The following TOMM70 variants were observed in gnomAD, a reference collection of about 807,000 sequenced individuals.
The protein encoded by TOMM70 is translocase of outer mitochondrial membrane 70.
TOMM70 carries 13 observed loss-of-function variants against 73.6 expected under a neutral mutation model. The ratio of observed to expected loss-of-function variants is 0.18; its 90% CI spans 0.11 to 0.28. TOMM70 has a LOEUF of 0.28. Ranked by LOEUF, TOMM70 falls within the 10% of genes least tolerant of loss-of-function variation. TOMM70 has a pLI of 1.00. For synonymous variants in TOMM70, 257 were observed against 271.2 expected (o/e 0.95, Z 0.51); for missense variants, 609 against 747.5 (o/e 0.81, Z 2.16).
intron 6 of TOMM70, among the ~76,000 whole-genome samples, chr3:100,376,198 T>G: frequency 6.6e-6 from 1 of 152,102 alleles, no homozygotes; most frequent in East Asian, 1.9e-4. Context: ...TTTGGAGAAA[T>G]GTGTATTCAG....
intron 1 of TOMM70, among the ~76,000 whole-genome samples, chr3:100,394,979 C>T (rs1207375906): frequency 6.6e-6 from 1 of 152,080 alleles, no homozygotes; most frequent in Non-Finnish European, 1.5e-5. Context: ...AACTCTTTAC[C>T]TAGGAAGAAT....
chr3:100,369,983 T>C (rs1292327821), intron 9 of TOMM70, among the ~76,000 whole-genome samples: 2 of 152,234 alleles, frequency 1.3e-5, no homozygotes, highest in African/African-American at 4.8e-5. Context: ...CATATTCAGT[T>C]AACCCCGGTT....
chr3:100,368,267 G>T, intron 10 of TOMM70, 101 bp from the exon 11 acceptor site: 1 of 1,384,028 alleles, frequency 7.2e-7, no homozygotes, highest in Non-Finnish European at 9.7e-7. Flanking sequence ...GAACTTATAA[G>T]TTAACTTATA....
At chr3:100,365,840 G>C in intron 11 of TOMM70, 123 bp from the exon 12 acceptor site, 1 of 1,097,312 alleles carries the variant, frequency 9.1e-7, no homozygotes, top group East Asian at 2.5e-5. Context: ...AATGAAGGTT[G>C]TAAGTGATGC....
chr3:100,386,714 ATG>A, intron 2 of TOMM70, 89 bp downstream of exon 2: 1 of 1,435,084 alleles, frequency 7.0e-7, no homozygotes, highest in Non-Finnish European at 9.5e-7. Flanking sequence ...ACTTCAAAAA[ATG>A]TATTAGGTTT....
intron 3 of TOMM70, among the ~76,000 whole-genome samples, chr3:100,385,904 C>G (rs1414727081): frequency 2.0e-5 from 3 of 152,150 alleles, no homozygotes; most frequent in Non-Finnish European, 4.4e-5. Flanking sequence ...CTTAGAAACA[C>G]TATCACTTGC....
At chr3:100,384,912 G>T (rs1019615670) in intron 3 of TOMM70, among the ~76,000 whole-genome samples, 1 of 152,128 alleles carries the variant, frequency 6.6e-6, no homozygotes, top group African/African-American at 2.4e-5. Context: ...AACATAGTGT[G>T]GCTCTCTCAT....
intron 5 of TOMM70, among the ~76,000 whole-genome samples, chr3:100,379,344 C>G (rs918121842): frequency 6.6e-6 from 1 of 152,144 alleles, no homozygotes; most frequent in African/African-American, 2.4e-5. Context: ...TTACGTCAGG[C>G]CAGACATGGT....
chr3:100,379,820 T>C (rs1215956383), intron 5 of TOMM70, among the ~76,000 whole-genome samples: 4 of 152,088 alleles, frequency 2.6e-5, no homozygotes, highest in Non-Finnish European at 5.9e-5. Flanking sequence ...GGTTTCTCCA[T>C]GTTGCCCAGG....
At chr3:100,399,729 C>G (rs1443991357) in intron 1 of TOMM70, among the ~76,000 whole-genome samples, 1 of 146,266 alleles carries the variant, frequency 6.8e-6, no homozygotes, top group Admixed American at 7.0e-5. Context: ...TAAGAAGTCA[C>G]TCCCATTTTT....
chr3:100,366,897 T>C (rs1269444246), intron 11 of TOMM70, among the ~76,000 whole-genome samples: 2 of 152,220 alleles, frequency 1.3e-5, no homozygotes, highest in Non-Finnish European at 2.9e-5. Flanking sequence ...TACAAGAATA[T>C]TTTATTCACA....
At chr3:100,394,479 ACTTATTGAC>A (rs1161631662) in intron 1 of TOMM70, among the ~76,000 whole-genome samples, 1 of 151,546 alleles carries the variant, frequency 6.6e-6, no homozygotes. Context: ...ATGTTTCAAT[ACTTATTGAC>A]CAATTGTTAC....
In TOMM70 at chr3:100,377,802, A is replaced by G. The variant is rs776722714; in HGVS notation, c.995T>C (p.Leu332Ser). 1.2e-6 allele frequency: 2 copies of G among 1,614,210 alleles called. No individual in the cohort carries two copies. Among genetic ancestry groups the G allele is most frequent in the East Asian group, 4.5e-5 (2 of 44,888 alleles). The change falls in exon 6 of 12, where the codon TTG becomes TCG. Residue 332 changes from leucine to serine, a missense_variant. By Grantham distance (145) the Leu-to-Ser change is moderately radical. This residue lies in a region of TOMM70 where 432 missense variants were observed against 584.1 expected (regional missense o/e 0.74). Coordinates refer to ENST00000284320, the MANE Select transcript of TOMM70 (RefSeq NM_014820.5). Reference protein sequence around the residue: ...DAEGKYMAEALLLRATFYLLI... With the variant: ...DAEGKYMAEASLLRATFYLLI... ...CAGGTAGAAGGTAGCTCGTAGTAGC[A>G]ATGCTTCTGCCATGTATTTGCCTTC...
At chr3:100,379,525 C>T (rs1469622650) in intron 5 of TOMM70, among the ~76,000 whole-genome samples, 3 of 152,146 alleles carry the variant, frequency 2.0e-5, no homozygotes, top group African/African-American at 7.2e-5. Context: ...CTACGCAAGA[C>T]ATTGAGGCGA....
At chr3:100,367,206 C>G (rs576011588) in intron 11 of TOMM70, among the ~76,000 whole-genome samples, 20 of 152,060 alleles carry the variant, frequency 1.3e-4, no homozygotes, top group Admixed American at 1.0e-3. Flanking sequence ...GCTGGAGACT[C>G]TGTCTCATAA....
In TOMM70 at chr3:100,401,048, G is replaced by A; in HGVS notation, c.-99C>T. 2 of 1,269,330 alleles carry A rather than the reference G, an allele frequency of 1.6e-6. No individual in the cohort carries two copies. Among genetic ancestry groups the A allele is most frequent in the Admixed American group, 2.1e-5 (1 of 47,606 alleles). 78.6% of individuals were successfully genotyped at this position (1,269,330 alleles called of 1,614,324 possible). A position where few individuals can be genotyped will look rare whatever the true frequency, so the allele number is the denominator to read the frequency against. On this transcript the variant is annotated 5_prime_UTR_variant, in exon 1 of 12. Transcript: ENST00000284320. ...CCGAGGGAGGGAAGGAAAGCAATGA[G>A]CGAGCGAGCACGCTAGGCAGAGAGA...
At chr3:100,390,474 T>C (rs1209796998) in intron 1 of TOMM70, among the ~76,000 whole-genome samples, 1 of 152,246 alleles carries the variant, frequency 6.6e-6, no homozygotes, top group Non-Finnish European at 1.5e-5. Context: ...GCACTACTCA[T>C]GTATCTGTGG....
At chr3:100,387,601 C>CACAG (rs1457494380) in intron 1 of TOMM70, among the ~76,000 whole-genome samples, 60 of 108,040 alleles carry the variant, frequency 5.6e-4, no homozygotes, top group African/African-American at 2.3e-3. Context: ...CAGACACAGA[C>CACAG]ACACACACAC....
At position 100,386,933 on chromosome 3, in the gene TOMM70, A is replaced by G; in HGVS notation, c.370T>C (p.Tyr124His). Residue 124 changes from tyrosine to histidine, a missense_variant, in exon 2 of 12, where the codon TAT (tyrosine) becomes CAT (histidine). By Grantham distance (83) the Tyr-to-His change is moderately conservative (BLOSUM62 2). This residue lies in a region of TOMM70 where 432 missense variants were observed against 584.1 expected (regional missense o/e 0.74). Transcript: ENST00000284320. ...AQAAKNKGNK[Y>H]FKAGKYEQAI... ...TGTTCATATTTTCCTGCTTTAAAATATTTATTGCCTTTATTCTTGGCTGCT... is the reference window on the plus strand; with the variant it reads ...TGTTCATATTTTCCTGCTTTAAAATGTTTATTGCCTTTATTCTTGGCTGCT... The G allele has an allele frequency of 6.2e-7, 1 of 1,614,086 alleles. No homozygotes were observed. The highest frequency in any genetic ancestry group is 2.2e-5 in the East Asian group (1 of 44,858).
Sources: allele counts gnomAD v4.1 joint callset (sites outside exome capture counted in the v4.1 genomes callset), GRCh38; gene constraint gnomAD v4.1.1; regional missense constraint gnomAD v4.1.1; transcripts MANE v1.5; gene names NCBI Gene and HGNC (gene_info 2026-07-23, HGNC 2026-07-21).